Variants in TLE4 observed in about 807,000 individuals in gnomAD.
TLE4 encodes the protein transducin-like enhancer protein 4.
In TLE4, 8 loss-of-function variants were observed where a neutral mutation model predicts 92.8. The observed-to-expected ratio is 0.09, with a 90% CI of 0.05 to 0.16. The LOEUF is 0.16. TLE4 is among the 10% of genes least tolerant of loss of function. The pLI, the probability that TLE4 is intolerant of heterozygous loss-of-function variation, is 1.00. For synonymous variants in TLE4, 371 were observed against 374.1 expected (o/e 0.99, Z 0.10); for missense variants, 675 against 997.6 (o/e 0.68, Z 4.36).
At chr9:79,607,465 G>A (rs1003831270) in intron 4 of TLE4, among the ~76,000 whole-genome samples, 3 of 152,076 alleles carry the variant, frequency 2.0e-5, no homozygotes, top group African/African-American at 7.2e-5. Flanking sequence ...TGTTCTGAAT[G>A]GTATTGCCTA....
At chr9:79,703,554 A>G (rs1547275) in intron 8 of TLE4, among the ~76,000 whole-genome samples, 17,661 of 152,180 alleles carry the variant, frequency 0.12, 1,187 homozygotes, top group African/African-American at 0.18. Flanking sequence ...TTCATGGCAG[A>G]TAGAGTCATT....
chr9:79,591,761 T>C (rs1168951374), intron 4 of TLE4, among the ~76,000 whole-genome samples: 1 of 152,094 alleles, frequency 6.6e-6, no homozygotes, highest in Non-Finnish European at 1.5e-5. Context: ...AAGACATTGA[T>C]GTCTGCAGAG....
intron 8 of TLE4, among the ~76,000 whole-genome samples, chr9:79,686,024 A>G (rs1564909494): frequency 6.6e-6 from 1 of 152,236 alleles, no homozygotes. Flanking sequence ...TGTACATTAT[A>G]TTATAAATAA....
In TLE4 at chr9:79,576,085, ATTGT is replaced by A. The variant is rs762220787; in HGVS notation, c.208-44_208-41del. ...GGGGCATTTTGAACAAACTAGGGAG[ATTGT>A]TTGATGAAAGTCATGCATTTAATTG... is the stretch of plus-strand genomic sequence containing the variant. On this transcript the variant is annotated intron_variant, in intron 3 of 19. Coordinates refer to ENST00000376552, the MANE Select transcript of TLE4 (RefSeq NM_007005.6). The A allele has an allele frequency of 4.5e-6, 6 of 1,344,080 alleles. No individual in the cohort carries two copies. The South Asian group carries it at 5.3e-5, about 12-fold the overall frequency. 83.3% of individuals were successfully genotyped at this position (1,344,080 alleles called of 1,614,324 possible).
chr9:79,719,274 A>AT (rs896007982), intron 15 of TLE4, among the ~76,000 whole-genome samples: 26 of 152,146 alleles, frequency 1.7e-4, no homozygotes, highest in Admixed American at 1.2e-3. Flanking sequence ...TACAGTGACT[A>AT]TGAGTGTGCA....
intron 8 of TLE4, among the ~76,000 whole-genome samples, chr9:79,699,355 C>T (rs763185326): frequency 2.6e-5 from 4 of 152,152 alleles, no homozygotes; most frequent in Non-Finnish European, 5.9e-5. Context: ...CAACTTGAAT[C>T]GTCCCTGACT....
At chr9:79,647,826 T>C (rs2058327764) in intron 6 of TLE4, among the ~76,000 whole-genome samples, 1 of 151,540 alleles carries the variant, frequency 6.6e-6, no homozygotes, top group East Asian at 2.0e-4. Flanking sequence ...ATCTTAATGG[T>C]ATTGAGCTTA....
At chr9:79,678,156 C>G (rs2063640957) in intron 8 of TLE4, among the ~76,000 whole-genome samples, 1 of 152,082 alleles carries the variant, frequency 6.6e-6, no homozygotes, top group Admixed American at 6.6e-5. Context: ...ATAGCCTCAT[C>G]AAGCATCTAG....
chr9:79,598,075 GAAAAAAAAAA>G (rs748860967), intron 4 of TLE4, among the ~76,000 whole-genome samples: 1 of 65,736 alleles, frequency 1.5e-5, no homozygotes, highest in Non-Finnish European at 3.0e-5. Flanking sequence ...TACTGAAAAA[GAAAAAAAAAA>G]AAAAAAAAAA....
Position 79,704,789 on chromosome 9 carries a change from T to C in TLE4, c.616T>C (p.Ser206Pro), listed in dbSNP as rs2071042395. ...CCTCTCCTTCTAATTCCAGAGCTCT[T>C]CAGTATCCCCATCAGCCAGTTTCCG... ...QRDRDSIKSS[S>P]VSPSASFRGA... The change falls in exon 9 of 20, where the codon TCA (serine) becomes CCA (proline). Residue 206 changes from serine to proline, a missense_variant. Coordinates refer to ENST00000376552, the MANE Select transcript of TLE4 (RefSeq NM_007005.6). 6.2e-7 allele frequency: 1 copy of C among 1,613,852 alleles called. No homozygotes were observed. Among genetic ancestry groups the C allele is most frequent in the South Asian group, 1.1e-5 (1 of 91,062 alleles).
Position 79,586,101 on chromosome 9 carries a change from C to T in TLE4, c.252+9924C>T, listed in dbSNP as rs567644658. On this transcript the variant is annotated intron_variant, in intron 4 of 19. Coordinates refer to ENST00000376552, the MANE Select transcript of TLE4 (RefSeq NM_007005.6). ...TATATTAGAAAACTTAGGCTGGGCACGTGGCTTACGCCTGTAATCCCAGCA... is the reference window on the plus strand; with the variant it reads ...TATATTAGAAAACTTAGGCTGGGCATGTGGCTTACGCCTGTAATCCCAGCA... 5.0e-5 allele frequency among the ~76,000 whole-genome samples: 7 copies of T among 140,932 alleles called. No homozygotes were observed. In the South Asian group the frequency reaches 1.2e-3, roughly 25 times the overall value. 92.5% of individuals were successfully genotyped at this position (140,932 alleles called of 152,430 possible).
chr9:79,604,159 GGA>G (rs1288652688), intron 4 of TLE4, among the ~76,000 whole-genome samples: 1 of 152,154 alleles, frequency 6.6e-6, no homozygotes, highest in Non-Finnish European at 1.5e-5. Flanking sequence ...AGCATCAGAG[GGA>G]GTGTCCTGTG....
chr9:79,640,311 A>G (rs1031162406), intron 6 of TLE4, among the ~76,000 whole-genome samples: 4 of 152,176 alleles, frequency 2.6e-5, no homozygotes, highest in Non-Finnish European at 4.4e-5. Flanking sequence ...AAACCACAAG[A>G]TAGTTTGAGT....
At chr9:79,722,886 G>A in intron 18 of TLE4, 73 bp from the exon 19 acceptor site, 1 of 1,389,378 alleles carries the variant, frequency 7.2e-7, no homozygotes, top group Non-Finnish European at 1.0e-6. Flanking sequence ...ATAGTTTGGT[G>A]TTCTATAAAG....
chr9:79,719,130 G>A (rs777126636), intron 15 of TLE4, among the ~76,000 whole-genome samples, 159 bp downstream of exon 15: 2 of 152,102 alleles, frequency 1.3e-5, no homozygotes, highest in African/African-American at 2.4e-5. Flanking sequence ...TGTGTCTTTT[G>A]CTTCCTAGAC....
intron 8 of TLE4, among the ~76,000 whole-genome samples, chr9:79,656,758 T>C (rs1193246339): frequency 6.6e-6 from 1 of 152,228 alleles, no homozygotes; most frequent in Non-Finnish European, 1.5e-5. Flanking sequence ...CGTTACAGAT[T>C]GTTAAACAGG....
intron 8 of TLE4, among the ~76,000 whole-genome samples, chr9:79,678,423 T>A (rs576203321): frequency 6.6e-5 from 10 of 152,188 alleles, no homozygotes; most frequent in Non-Finnish European, 1.3e-4. Context: ...TCTTTTTTTT[T>A]AAATCAGAGA....
At chr9:79,578,529 T>A (rs367744995) in intron 4 of TLE4, among the ~76,000 whole-genome samples, 6 of 152,198 alleles carry the variant, frequency 3.9e-5, no homozygotes, top group Admixed American at 6.5e-5. Context: ...GATAAAAGTA[T>A]GAAGCAAAGA....
chr9:79,670,442 G>A (rs753868870), intron 8 of TLE4, among the ~76,000 whole-genome samples: 1 of 152,160 alleles, frequency 6.6e-6, no homozygotes. Context: ...AGATGCAAGG[G>A]TAAGCATATT....
Sources: allele counts gnomAD v4.1 joint callset (sites outside exome capture counted in the v4.1 genomes callset), GRCh38; gene constraint gnomAD v4.1.1; transcripts MANE v1.5; gene names NCBI Gene and HGNC (gene_info 2026-07-23, HGNC 2026-07-21).